The following PDPN variants were observed in gnomAD, a reference collection of about 807,000 sequenced individuals.
The protein encoded by PDPN is podoplanin, also known as PA2.26 antigen.
Under a neutral mutation model 23.2 loss-of-function variants are expected in PDPN, and 12 were observed. That is an observed-to-expected ratio of 0.52 (90% confidence interval 0.33 to 0.84). PDPN has a LOEUF of 0.84. Ranked by LOEUF, PDPN falls within the 40% of genes least tolerant of loss-of-function variation. PDPN has a pLI of 0.02. For missense variants in PDPN, 199 were observed against 212.2 expected (o/e 0.94, Z 0.39); for synonymous variants, 77 against 76.7 (o/e 1.00, Z -0.02).
Position 13,590,075 on chromosome 1 carries a change from G to A in PDPN, c.67+5975G>A, listed in dbSNP as rs377532000. Among the ~76,000 whole-genome samples, 790 of 152,274 alleles carry A rather than the reference G, an allele frequency of 5.2e-3. 6 individuals are homozygous for A. Among genetic ancestry groups the A allele is most frequent in the African/African-American group, 0.018 (752 of 41,578 alleles). ...ACTCCTGACCTCAAGTGATCCACCC[G>A]CCTCAGCCCTCCCAAGTGCTGGAAT... On this transcript the variant is annotated intron_variant, in intron 1 of 5. Coordinates refer to ENST00000621990, the MANE Select transcript of PDPN (RefSeq NM_006474.5).
At chr1:13,583,779 G>C, upstream of PDPN, 1 of 1,512,370 alleles carries the variant, frequency 6.6e-7, no homozygotes, top group East Asian at 2.3e-5. Context: ...GGCCGACCCC[G>C]CTCCCCCGCC....
At chr1:13,584,879 C>CATT (rs1640134937) in intron 1 of PDPN, among the ~76,000 whole-genome samples, 1 of 152,172 alleles carries the variant, frequency 6.6e-6, no homozygotes, top group Non-Finnish European at 1.5e-5. Flanking sequence ...CCACAGCTTC[C>CATT]ATTACCCTTT....
At chr1:13,600,983 T>G (rs1640628061) in intron 1 of PDPN, among the ~76,000 whole-genome samples, 1 of 152,196 alleles carries the variant, frequency 6.6e-6, no homozygotes, top group Non-Finnish European at 1.5e-5. Context: ...GGAGACGCCA[T>G]GTAAACCCTA....
intron 1 of PDPN, among the ~76,000 whole-genome samples, chr1:13,586,094 T>C (rs1305532123): frequency 6.6e-6 from 1 of 152,140 alleles, no homozygotes; most frequent in Non-Finnish European, 1.5e-5. Context: ...TGAACTTTCA[T>C]CAGGAAGGCA....
rs754970758 is a variant in PDPN, at chr1:13,583,912, C to A, written c.-122C>A. ...CTCTCCGGGGCTCCTGCTCCCACCCCTCCGGCCCCCCCACCGTCGCGCTCC... is the reference window on the plus strand; with the variant it reads ...CTCTCCGGGGCTCCTGCTCCCACCCATCCGGCCCCCCCACCGTCGCGCTCC... On this transcript the variant is annotated 5_prime_UTR_variant, in exon 1 of 6. Coordinates refer to ENST00000621990, the MANE Select transcript of PDPN (RefSeq NM_006474.5). 5 of 1,612,208 alleles carry A rather than the reference C, an allele frequency of 3.1e-6. No homozygotes were observed. The highest frequency in any genetic ancestry group is 3.4e-6 in the Non-Finnish European group (4 of 1,179,160).
chr1:13,588,961 G>A (rs533945860), intron 1 of PDPN, among the ~76,000 whole-genome samples: 6 of 59,602 alleles, frequency 1.0e-4, no homozygotes, highest in Non-Finnish European at 1.5e-4. Flanking sequence ...CACCATACCC[G>A]GCCAACAATT....
intron 1 of PDPN, chr1:13,595,815 CTT>C (rs1319558296): frequency 5.6e-6 from 7 of 1,249,982 alleles, no homozygotes; most frequent in South Asian, 2.5e-5. Flanking sequence ...TATGCCGTCT[CTT>C]TCATTACAGG....
At chr1:13,592,076 A>C (rs970703831) in intron 1 of PDPN, among the ~76,000 whole-genome samples, 1 of 152,246 alleles carries the variant, frequency 6.6e-6, no homozygotes, top group Non-Finnish European at 1.5e-5. Context: ...GATGCTGAGC[A>C]TCTTTTTATG....
At chr1:13,587,003 A>G (rs1640198654) in intron 1 of PDPN, among the ~76,000 whole-genome samples, 1 of 152,058 alleles carries the variant, frequency 6.6e-6, no homozygotes, top group Non-Finnish European at 1.5e-5. Flanking sequence ...GTGAACCAAG[A>G]TCACACCACA....
intron 3 of PDPN, among the ~76,000 whole-genome samples, chr1:13,613,227 C>G (rs886934742): frequency 6.6e-6 from 1 of 152,096 alleles, no homozygotes; most frequent in Non-Finnish European, 1.5e-5. Context: ...TGAGACTAAC[C>G]ACAATCTTGG....
rs118179813 is a variant in PDPN at position 13,599,307 on chromosome 1, C to T, written c.68-7866C>T. 2.0e-3 allele frequency among the ~76,000 whole-genome samples: 295 copies of T among 151,244 alleles called. 9 individuals are homozygous for T. The East Asian group carries it at 0.032, about 16-fold the overall frequency. ...GATTACAGGCGTAAGCCACCATGCCCGGCCAGAAAGTTCCCTGAGATCTGA... is the reference window on the plus strand; with the variant it reads ...GATTACAGGCGTAAGCCACCATGCCTGGCCAGAAAGTTCCCTGAGATCTGA... On this transcript the variant is annotated intron_variant, in intron 1 of 5. Transcript: ENST00000621990.
At chr1:13,602,131 C>T (rs571605158) in intron 1 of PDPN, among the ~76,000 whole-genome samples, 2 of 152,210 alleles carry the variant, frequency 1.3e-5, no homozygotes, top group African/African-American at 4.8e-5. Flanking sequence ...TTGAGACCAT[C>T]CTGGCTAACA....
intron 2 of PDPN, among the ~76,000 whole-genome samples, chr1:13,608,990 C>G (rs1347589252): frequency 1.3e-5 from 2 of 152,208 alleles, no homozygotes; most frequent in Non-Finnish European, 2.9e-5. Flanking sequence ...AAGTCACCCT[C>G]TAGCCCTTAG....
chr1:13,598,156 C>G (rs948027828), intron 1 of PDPN, among the ~76,000 whole-genome samples: 2 of 152,090 alleles, frequency 1.3e-5, no homozygotes, highest in Non-Finnish European at 2.9e-5. Flanking sequence ...GCTGGGATTA[C>G]AGGCACAAGC....
intron 1 of PDPN, among the ~76,000 whole-genome samples, chr1:13,585,000 T>G (rs1385240586): frequency 6.6e-6 from 1 of 152,200 alleles, no homozygotes; most frequent in Non-Finnish European, 1.5e-5. Flanking sequence ...TTATATTTCC[T>G]CAATAGAACA....
intron 1 of PDPN, among the ~76,000 whole-genome samples, chr1:13,586,484 T>C (rs942639328): frequency 1.3e-5 from 2 of 152,044 alleles, no homozygotes; most frequent in Non-Finnish European, 2.9e-5. Context: ...CTCCTTCCTT[T>C]CTTTGGCTTC....
At chr1:13,613,155 G>A (rs11584648) in intron 3 of PDPN, among the ~76,000 whole-genome samples, 8,241 of 152,238 alleles carry the variant, frequency 0.054, 311 homozygotes, top group Non-Finnish European at 0.076. Flanking sequence ...ACTTAGCTGG[G>A]CCTATTGTTG....
At chr1:13,595,547 TG>T (rs1228931523) in intron 1 of PDPN, among the ~76,000 whole-genome samples, 3 of 152,226 alleles carry the variant, frequency 2.0e-5, no homozygotes, top group African/African-American at 4.8e-5. Context: ...CTTCACGTGC[TG>T]GATTTCTCCT....
chr1:13,615,362 T>A (rs1641044749), intron 5 of PDPN, among the ~76,000 whole-genome samples: 1 of 151,568 alleles, frequency 6.6e-6, no homozygotes, highest in African/African-American at 2.4e-5. Context: ...CTCGGCTCAC[T>A]GCAACCTCTG....
Sources: allele counts gnomAD v4.1 joint callset (sites outside exome capture counted in the v4.1 genomes callset), GRCh38; gene constraint gnomAD v4.1.1; transcripts MANE v1.5; gene names NCBI Gene and HGNC (gene_info 2026-07-23, HGNC 2026-07-21).